Variants in SYT6 observed in about 807,000 individuals in gnomAD.
SYT6 encodes the protein synaptotagmin-6.
In SYT6, 24 loss-of-function variants were observed where a neutral mutation model predicts 38.4. That is an observed-to-expected ratio of 0.62 (90% CI 0.45 to 0.88). SYT6 has a LOEUF of 0.88. Ranked by LOEUF, SYT6 falls within the 40% of genes least tolerant of loss-of-function variation. SYT6 has a pLI of 0.00. For missense variants in SYT6, 611 were observed against 621.0 expected (o/e 0.98, Z 0.17); for synonymous variants, 265 against 241.9 (o/e 1.10, Z -0.89).
intron 3 of SYT6, among the ~76,000 whole-genome samples, chr1:114,134,844 C>T (rs1678382804): frequency 6.6e-6 from 1 of 152,194 alleles, no homozygotes; most frequent in Non-Finnish European, 1.5e-5. Flanking sequence ...GTACTGTCCC[C>T]CATTGTGCTG....
rs1675717115 is a variant in SYT6, at chr1:114,097,710, C to T, written c.1515+17G>A. 6.2e-7 allele frequency: 1 copy of T among 1,612,970 alleles called. No individual in the cohort carries two copies. Among genetic ancestry groups the T allele is most frequent in the Non-Finnish European group, 8.5e-7 (1 of 1,179,318 alleles). ...GCCATGCAGCAAACATGCCAAGGGC[C>T]AGGTGACCTCACCCACCTCTTTGAA... is the stretch of plus-strand genomic sequence containing the variant. On this transcript the variant is annotated intron_variant, in intron 6 of 7. Coordinates refer to ENST00000610222, the MANE Select transcript of SYT6 (RefSeq NM_001253772.2).
intron 1 of SYT6, among the ~76,000 whole-genome samples, chr1:114,144,949 C>T (rs1200965887): frequency 1.3e-5 from 2 of 152,054 alleles, no homozygotes; most frequent in African/African-American, 4.8e-5. Context: ...CTTCCCAAGC[C>T]TTCCCAACAC....
chr1:114,145,756 C>T (rs1260865644), intron 1 of SYT6, among the ~76,000 whole-genome samples: 3 of 152,128 alleles, frequency 2.0e-5, no homozygotes, highest in Admixed American at 6.5e-5. Flanking sequence ...TTCCTTTGAT[C>T]ATACATCTTA....
chr1:114,092,313 T>TAA (rs1209310985), intron 7 of SYT6, among the ~76,000 whole-genome samples: 1 of 67,584 alleles, frequency 1.5e-5, no homozygotes, highest in Non-Finnish European at 3.4e-5. Context: ...CTTTCTTAAC[T>TAA]CTCTCTCTCT....
chr1:114,111,299 G>T (rs12095538), intron 3 of SYT6, among the ~76,000 whole-genome samples: 3 of 151,948 alleles, frequency 2.0e-5, no homozygotes, highest in Non-Finnish European at 2.9e-5. Flanking sequence ...AAAAGCCTTG[G>T]GAGATGGCTA....
At chr1:114,147,911 A>G (rs1679237781) in intron 1 of SYT6, among the ~76,000 whole-genome samples, 1 of 152,192 alleles carries the variant, frequency 6.6e-6, no homozygotes, top group Non-Finnish European at 1.5e-5. Flanking sequence ...ATAACAGTTG[A>G]CTGTGTATAC....
At chr1:114,113,833 G>GA (rs1557743047) in intron 3 of SYT6, among the ~76,000 whole-genome samples, 1 of 152,124 alleles carries the variant, frequency 6.6e-6, no homozygotes, top group African/African-American at 2.4e-5. Context: ...ATGGAAAATG[G>GA]ATTGTACCAC....
intron 3 of SYT6, among the ~76,000 whole-genome samples, chr1:114,114,769 G>C (rs1362516788): frequency 6.6e-6 from 1 of 152,212 alleles, no homozygotes; most frequent in Non-Finnish European, 1.5e-5. Flanking sequence ...TAGAATCTCT[G>C]TGACATGGAA....
At chr1:114,092,116 C>T (rs1246313105) in intron 7 of SYT6, 34 bp from the exon 8 acceptor site, 68 of 1,530,092 alleles carry the variant, frequency 4.4e-5, no homozygotes, top group Non-Finnish European at 5.5e-5. Context: ...TTATTAATTG[C>T]TAAAGGAATT....
At chr1:114,153,539 C>T in intron 1 of SYT6, 71 bp downstream of exon 1, 2 of 566,310 alleles carry the variant, frequency 3.5e-6, no homozygotes, top group Non-Finnish European at 6.3e-6. Context: ...GCTCCTGGGA[C>T]CGGGGCTTTG....
At chr1:114,146,000 C>G (rs190747822) in intron 1 of SYT6, among the ~76,000 whole-genome samples, 164 of 152,236 alleles carry the variant, frequency 1.1e-3, no homozygotes, top group African/African-American at 3.7e-3. Context: ...TTAGGGGAGG[C>G]AGAGGGCATG....
intron 3 of SYT6, among the ~76,000 whole-genome samples, chr1:114,119,096 C>A (rs1677211781): frequency 6.6e-6 from 1 of 152,218 alleles, no homozygotes; most frequent in African/African-American, 2.4e-5. Context: ...CAAGCCCCTT[C>A]TGCAGTTAGT....
intron 3 of SYT6, among the ~76,000 whole-genome samples, chr1:114,126,347 C>T (rs568002073): frequency 3.9e-5 from 6 of 152,350 alleles, no homozygotes; most frequent in Non-Finnish European, 8.8e-5. Flanking sequence ...TGCTCCAATT[C>T]TCCCAAGTTG....
intron 1 of SYT6, among the ~76,000 whole-genome samples, chr1:114,140,223 A>G (rs1322707415): frequency 7.1e-6 from 1 of 141,232 alleles, no homozygotes; most frequent in Non-Finnish European, 1.5e-5. Flanking sequence ...CCCCACCCCT[A>G]TCCCCCCAGC....
intron 3 of SYT6, 80 bp from the exon 4 acceptor site, chr1:114,103,801 G>T: frequency 6.5e-7 from 1 of 1,528,094 alleles, no homozygotes; most frequent in South Asian, 1.2e-5. Context: ...CTGCTGGGGC[G>T]CTCTGGGGTC....
intron 5 of SYT6, among the ~76,000 whole-genome samples, 156 bp from the exon 6 acceptor site, chr1:114,098,033 C>T (rs547652354): frequency 2.1e-4 from 32 of 152,284 alleles, no homozygotes; most frequent in African/African-American, 2.9e-4. Flanking sequence ...GTGTCAGTGG[C>T]GGTGAAGCCT....
At chr1:114,111,350 C>T (rs558912344) in intron 3 of SYT6, among the ~76,000 whole-genome samples, 44 of 152,304 alleles carry the variant, frequency 2.9e-4, no homozygotes, top group African/African-American at 9.4e-4. Flanking sequence ...CACTGAAGTA[C>T]GGAGAGGTTA....
chr1:114,129,633 CTTTCTTTCTCTTTCTTTCTTTT>C lies in SYT6; in HGVS notation c.1071+7840_1071+7861del, dbSNP rs1678011616. Among the ~76,000 whole-genome samples the C allele has an allele frequency of 2.5e-4, 21 of 82,468 alleles. 1 individual carries two copies. In the Admixed American group the frequency reaches 2.7e-3, roughly 11 times the overall value. The allele number at this position is 82,468 out of a possible 152,430, so 54.1% of individuals were successfully genotyped here. A position where few individuals can be genotyped will look rare whatever the true frequency, so the allele number is the denominator to read the frequency against. On this transcript the variant is annotated intron_variant, in intron 3 of 7. Transcript: ENST00000610222. ...CTTTCTTTCCTTTCTTTCTTTCTTT[CTTTCTTTCTCTTTCTTTCTTTT>C]TCTTTCTTTCTTTCTTTCTTTTTCT... is the stretch of plus-strand genomic sequence containing the variant.
At chr1:114,147,507 A>G (rs910441075) in intron 1 of SYT6, among the ~76,000 whole-genome samples, 1 of 152,196 alleles carries the variant, frequency 6.6e-6, no homozygotes, top group African/African-American at 2.4e-5. Flanking sequence ...GTCTCATGGG[A>G]GAGAAAACAG....
Sources: allele counts gnomAD v4.1 joint callset (sites outside exome capture counted in the v4.1 genomes callset), GRCh38; gene constraint gnomAD v4.1.1; transcripts MANE v1.5; gene names NCBI Gene and HGNC (gene_info 2026-07-23, HGNC 2026-07-21).